Variants in TMTC2 observed in about 807,000 individuals in gnomAD.
TMTC2 encodes the protein protein O-mannosyl-transferase TMTC2.
Under a neutral mutation model 82.4 loss-of-function variants are expected in TMTC2, and 43 were observed. That is an observed-to-expected ratio of 0.52 (90% CI 0.41 to 0.67). TMTC2 has a LOEUF of 0.67. Ranked by LOEUF, TMTC2 falls within the 30% of genes least tolerant of loss-of-function variation. The probability of loss-of-function intolerance (pLI) is 0.00; values close to 1 mark genes in which losing one functional copy is unlikely to be tolerated. For missense variants in TMTC2, 919 were observed against 1,012.4 expected, an observed-to-expected ratio of 0.91 and a Z score of 1.25; for synonymous variants, 408 against 381.9, an observed-to-expected ratio of 1.07 and a Z score of -0.80.
intron 11 of TMTC2, among the ~76,000 whole-genome samples, chr12:83,128,809 G>A (rs1035776227): frequency 2.6e-5 from 4 of 152,124 alleles, no homozygotes; most frequent in African/African-American, 9.7e-5. Flanking sequence ...AACTTCCCTA[G>A]CACAGATGTA....
In TMTC2 at chr12:83,016,143, A is replaced by C. The variant is rs535524582; in HGVS notation, c.2071-14655A>C. Among the ~76,000 whole-genome samples, 10 of 152,358 alleles carry C rather than the reference A, an allele frequency of 6.6e-5. No individual in the cohort carries two copies. The South Asian group carries it at 2.1e-3, about 32-fold the overall frequency. On this transcript the variant is annotated intron_variant, in intron 8 of 11. Transcript: ENST00000321196. The stretch of plus-strand genomic sequence containing the variant: ...AGTTGTTACATAACCCTGTTTGGTC[A>C]AAAAATGTGTTTTGAGTTGATTGGT...
intron 7 of TMTC2, among the ~76,000 whole-genome samples, chr12:82,983,124 G>C (rs1878999180): frequency 6.6e-6 from 1 of 152,048 alleles, no homozygotes; most frequent in Non-Finnish European, 1.5e-5. Context: ...AGTAAGAGGA[G>C]TGGGTGAACA....
chr12:82,766,001 C>T (rs961584786), intron 1 of TMTC2, among the ~76,000 whole-genome samples: 1 of 152,110 alleles, frequency 6.6e-6, no homozygotes, highest in African/African-American at 2.4e-5. Context: ...ACGTGTATTG[C>T]CATTTTAAGC....
intron 9 of TMTC2, among the ~76,000 whole-genome samples, chr12:83,032,270 TA>T (rs375592097): frequency 3.8e-4 from 7 of 18,516 alleles, no homozygotes; most frequent in African/African-American, 1.0e-3. Context: ...TATATATATA[TA>T]TATATATATA....
intron 11 of TMTC2, among the ~76,000 whole-genome samples, chr12:83,102,962 C>G (rs905858451): frequency 4.6e-5 from 7 of 152,136 alleles, no homozygotes; most frequent in African/African-American, 1.7e-4. Flanking sequence ...AAGATACTCT[C>G]CCCTAGATTC....
chr12:82,785,806 G>A (rs2137015598), intron 1 of TMTC2, among the ~76,000 whole-genome samples: 1 of 152,196 alleles, frequency 6.6e-6, no homozygotes, highest in Admixed American at 6.5e-5. Flanking sequence ...ATGATTCAGA[G>A]ATTATCCTTG....
intron 7 of TMTC2, among the ~76,000 whole-genome samples, chr12:82,971,896 C>A (rs1230909962): frequency 6.6e-6 from 1 of 151,974 alleles, no homozygotes; most frequent in Non-Finnish European, 1.5e-5. Flanking sequence ...CTAGTTCCTT[C>A]TCTCAAAGAA....
intron 1 of TMTC2, among the ~76,000 whole-genome samples, chr12:82,813,407 A>G (rs1287016452): frequency 6.6e-6 from 1 of 152,076 alleles, no homozygotes; most frequent in Non-Finnish European, 1.5e-5. Context: ...GGATGATTCT[A>G]TCCCTACTTA....
chr12:82,961,085 A>G (rs1194378070), intron 4 of TMTC2, among the ~76,000 whole-genome samples: 1 of 151,732 alleles, frequency 6.6e-6, no homozygotes, highest in African/African-American at 2.4e-5. Context: ...TTATGTGCAA[A>G]ATGAAGAAAG....
intron 11 of TMTC2, among the ~76,000 whole-genome samples, chr12:83,117,922 T>A (rs1884819841): frequency 6.6e-6 from 1 of 150,582 alleles, no homozygotes; most frequent in South Asian, 2.1e-4. Flanking sequence ...ATTTATTTAT[T>A]TATTTATTTT....
intron 2 of TMTC2, among the ~76,000 whole-genome samples, chr12:82,872,010 C>CA (rs1466237514): frequency 1.5e-5 from 2 of 133,790 alleles, no homozygotes; most frequent in Admixed American, 1.5e-4. Flanking sequence ...ACAACACCCC[C>CA]CCCCCCGCCC....
At chr12:83,104,979 C>T (rs1253066320) in intron 11 of TMTC2, among the ~76,000 whole-genome samples, 1 of 152,158 alleles carries the variant, frequency 6.6e-6, no homozygotes, top group Admixed American at 6.5e-5. Context: ...GAACACTTTA[C>T]TGCTTAGAAA....
At chr12:83,097,470 C>T (rs944961637) in intron 11 of TMTC2, among the ~76,000 whole-genome samples, 3 of 152,092 alleles carry the variant, frequency 2.0e-5, no homozygotes, top group Non-Finnish European at 4.4e-5. Flanking sequence ...CATTGTTGTA[C>T]CATGGGCCAC....
chr12:82,997,398 G>GTATATATATATATGTGTA (rs1248707722), intron 8 of TMTC2, among the ~76,000 whole-genome samples: 12 of 45,992 alleles, frequency 2.6e-4, no homozygotes, highest in African/African-American at 6.8e-4. Context: ...ATATATATGT[G>GTATATATATATATGTGTA]TATATATATA....
intron 11 of TMTC2, among the ~76,000 whole-genome samples, chr12:83,101,225 A>G (rs1377285005): frequency 6.6e-6 from 1 of 152,202 alleles, no homozygotes; most frequent in Admixed American, 6.5e-5. Context: ...TAAGCATTGC[A>G]ATTTTAACCC....
intron 1 of TMTC2, among the ~76,000 whole-genome samples, chr12:82,788,110 A>G (rs1878275541): frequency 2.6e-5 from 4 of 151,970 alleles, no homozygotes; most frequent in African/African-American, 9.7e-5. Flanking sequence ...ATTTCCTTAC[A>G]AAACGACTGT....
At chr12:82,742,021 T>C (rs1875435344) in intron 1 of TMTC2, among the ~76,000 whole-genome samples, 1 of 152,144 alleles carries the variant, frequency 6.6e-6, no homozygotes, top group African/African-American at 2.4e-5. Context: ...TGTATATGTT[T>C]CAGCGTGAAT....
At chr12:83,055,799 G>C (rs769190797) in intron 10 of TMTC2, among the ~76,000 whole-genome samples, 3 of 151,734 alleles carry the variant, frequency 2.0e-5, no homozygotes, top group Admixed American at 6.6e-5. Flanking sequence ...AACATCTTCT[G>C]TCTGCCTGGC....
At chr12:82,697,607 A>G (rs1214868405) in intron 1 of TMTC2, among the ~76,000 whole-genome samples, 1 of 152,188 alleles carries the variant, frequency 6.6e-6, no homozygotes, top group Non-Finnish European at 1.5e-5. Context: ...AGTTGATCCT[A>G]TGAGTTTGAG....
Sources: allele counts gnomAD v4.1 joint callset (sites outside exome capture counted in the v4.1 genomes callset), GRCh38; gene constraint gnomAD v4.1.1; transcripts MANE v1.5; gene names NCBI Gene and HGNC (gene_info 2026-07-23, HGNC 2026-07-21).